ATRNL1: variants seen among roughly 807,000 people sequenced by gnomAD.
ATRNL1 encodes the protein attractin like 1.
A neutral mutation model predicts 182.7 loss-of-function variants in ATRNL1; 95 were observed. That is an observed-to-expected ratio of 0.52 (90% CI 0.44 to 0.62). The LOEUF (loss-of-function observed/expected upper bound fraction) is 0.62, where lower values mean the gene tolerates loss of function less well. Among genes scored for constraint, ATRNL1 ranks in the 20% least tolerant of loss-of-function variants. The pLI is 0.00. For synonymous variants in ATRNL1, 576 were observed against 568.3 expected (o/e 1.01, Z -0.19); for missense variants, 1,471 against 1,679.5 (o/e 0.88, Z 2.17).
At chr10:115,683,450 T>C (rs994998740) in intron 26 of ATRNL1, among the ~76,000 whole-genome samples, 1 of 151,848 alleles carries the variant, frequency 6.6e-6, no homozygotes, top group Admixed American at 6.6e-5. Flanking sequence ...ACCTAGAGAG[T>C]TTTTCTGAAG....
intron 18 of ATRNL1, among the ~76,000 whole-genome samples, chr10:115,331,350 G>A (rs782386419): frequency 2.6e-5 from 4 of 152,126 alleles, no homozygotes; most frequent in African/African-American, 9.7e-5. Context: ...GTGAGCCACC[G>A]CAGGTGTGAG....
intron 26 of ATRNL1, among the ~76,000 whole-genome samples, chr10:115,663,234 A>C (rs1193796720): frequency 1.3e-5 from 2 of 152,090 alleles, no homozygotes; most frequent in Non-Finnish European, 2.9e-5. Flanking sequence ...AGATAACTTG[A>C]TATGCTCACA....
At chr10:115,682,151 A>G (rs1402528552) in intron 26 of ATRNL1, among the ~76,000 whole-genome samples, 1 of 152,194 alleles carries the variant, frequency 6.6e-6, no homozygotes, top group African/African-American at 2.4e-5. Flanking sequence ...TAAACTGAAC[A>G]CAAGTCTCAC....
chr10:115,176,538 C>G (rs1847515787), intron 8 of ATRNL1, among the ~76,000 whole-genome samples: 1 of 151,880 alleles, frequency 6.6e-6, no homozygotes, highest in South Asian at 2.1e-4. Flanking sequence ...AAAGTAGAGC[C>G]AATAGTATTT....
intron 26 of ATRNL1, among the ~76,000 whole-genome samples, chr10:115,594,558 G>A (rs1856112652): frequency 6.6e-6 from 1 of 152,216 alleles, no homozygotes; most frequent in Non-Finnish European, 1.5e-5. Flanking sequence ...CCAGGCTGGA[G>A]TGCAGTGGCG....
At chr10:115,862,969 C>G (rs2134395470) in intron 28 of ATRNL1, among the ~76,000 whole-genome samples, 1 of 152,138 alleles carries the variant, frequency 6.6e-6, no homozygotes, top group Middle Eastern at 3.4e-3. Flanking sequence ...GTGTCTGTCC[C>G]TAAAGTAAGA....
chr10:115,870,061 T>G (rs1226065293), intron 28 of ATRNL1, among the ~76,000 whole-genome samples: 1 of 148,890 alleles, frequency 6.7e-6, no homozygotes, highest in Non-Finnish European at 1.5e-5. Flanking sequence ...GGTTATTTCC[T>G]TGGGACACAT....
intron 26 of ATRNL1, among the ~76,000 whole-genome samples, chr10:115,635,024 T>C (rs1309516599): frequency 6.6e-6 from 1 of 152,150 alleles, no homozygotes; most frequent in Admixed American, 6.6e-5. Context: ...AAAGATGTTA[T>C]AAATCTAAAT....
intron 8 of ATRNL1, among the ~76,000 whole-genome samples, chr10:115,203,065 G>A (rs1848651328): frequency 6.6e-6 from 1 of 152,106 alleles, no homozygotes; most frequent in East Asian, 1.9e-4. Context: ...ATTTCTGTGG[G>A]ATCGTTTATT....
At chr10:115,840,719 T>C (rs1167704543) in intron 27 of ATRNL1, among the ~76,000 whole-genome samples, 1 of 151,886 alleles carries the variant, frequency 6.6e-6, no homozygotes, top group Non-Finnish European at 1.5e-5. Context: ...TGAAAGAGAG[T>C]AGAGCAAAGA....
chr10:115,232,391 C>G (rs1819158541), intron 9 of ATRNL1, among the ~76,000 whole-genome samples: 2 of 152,118 alleles, frequency 1.3e-5, no homozygotes, highest in South Asian at 4.1e-4. Flanking sequence ...GGCCAAACAG[C>G]TACTCTGAAA....
chr10:115,890,550 A>C lies in ATRNL1; in HGVS notation c.4018+42559A>C, dbSNP rs567457131. On this transcript the variant is annotated intron_variant, in intron 28 of 28. Coordinates refer to ENST00000355044, the MANE Select transcript of ATRNL1 (RefSeq NM_207303.4). The stretch of plus-strand genomic sequence containing the variant: ...GAAAATTGCTGCTGCTTGTTATTTC[A>C]CATATTTTTTTCCAAGTGCATTAAG... Among the ~76,000 whole-genome samples, 39 of 152,210 alleles carry C rather than the reference A, an allele frequency of 2.6e-4. 3 individuals are homozygous for C. The South Asian group carries it at 6.8e-3, about 27-fold the overall frequency.
At chr10:115,435,660 C>A (rs17093083) in intron 21 of ATRNL1, among the ~76,000 whole-genome samples, 3 of 152,054 alleles carry the variant, frequency 2.0e-5, no homozygotes, top group Non-Finnish European at 4.4e-5. Context: ...TTATGGCTTT[C>A]GCATTTACTA....
intron 27 of ATRNL1, among the ~76,000 whole-genome samples, chr10:115,832,633 C>T (rs1555094103): frequency 6.6e-6 from 1 of 152,170 alleles, no homozygotes; most frequent in Non-Finnish European, 1.5e-5. Flanking sequence ...AAGTCTGAGT[C>T]CAAGTCTCGA....
chr10:115,330,049 C>G (rs529418603), intron 18 of ATRNL1, among the ~76,000 whole-genome samples: 27 of 152,060 alleles, frequency 1.8e-4, no homozygotes, highest in African/African-American at 6.5e-4. Flanking sequence ...ATATTGTAGG[C>G]TTTTGTTTTT....
intron 12 of ATRNL1, 119 bp downstream of exon 12, chr10:115,267,124 C>T: frequency 3.2e-6 from 2 of 632,330 alleles, no homozygotes; most frequent in African/African-American, 1.8e-5. Flanking sequence ...TTTGTATTAC[C>T]CTAATTAGGA....
intron 27 of ATRNL1, among the ~76,000 whole-genome samples, chr10:115,801,393 G>C (rs781913506): frequency 1.3e-5 from 2 of 152,116 alleles, no homozygotes; most frequent in African/African-American, 4.8e-5. Flanking sequence ...ATCAGTGAGA[G>C]GAAGAGAAAA....
intron 1 of ATRNL1, among the ~76,000 whole-genome samples, chr10:115,099,355 A>G (rs782651565): frequency 5.3e-5 from 8 of 152,156 alleles, no homozygotes; most frequent in Non-Finnish European, 1.0e-4. Context: ...ATTGTTTCAA[A>G]TTTTTGGCTG....
chr10:115,476,024 G>C (rs1162638814), intron 24 of ATRNL1, among the ~76,000 whole-genome samples: 1 of 151,142 alleles, frequency 6.6e-6, no homozygotes, highest in Non-Finnish European at 1.5e-5. Context: ...GTTGATTTTA[G>C]AACTTTTCTT....
Sources: allele counts gnomAD v4.1 joint callset (sites outside exome capture counted in the v4.1 genomes callset), GRCh38; gene constraint gnomAD v4.1.1; transcripts MANE v1.5; gene names NCBI Gene and HGNC (gene_info 2026-07-23, HGNC 2026-07-21).